Variants in NETO2 observed in about 807,000 individuals in gnomAD.
NETO2 encodes the protein neuropilin and tolloid like 2, also known as neuropilin and tolloid-like protein 2.
Under a neutral mutation model 62.5 loss-of-function variants are expected in NETO2, and 28 were observed. The ratio of observed to expected loss-of-function variants is 0.45; its 90% CI spans 0.33 to 0.61. NETO2 has a LOEUF of 0.61. NETO2 is among the 20% of genes least tolerant of loss of function. The pLI is 0.02. For synonymous variants in NETO2, 214 were observed against 219.1 expected, an observed-to-expected ratio of 0.98 and a Z score of 0.21; for missense variants, 548 against 643.2, an observed-to-expected ratio of 0.85 and a Z score of 1.60.
At chr16:47,097,014 G>T (rs1334461868) in intron 7 of NETO2, among the ~76,000 whole-genome samples, 1 of 152,208 alleles carries the variant, frequency 6.6e-6, no homozygotes, top group African/African-American at 2.4e-5. Context: ...TTTTCCCATG[G>T]TCTTCACAAC....
At chr16:47,108,221 G>T (rs1963714235) in intron 7 of NETO2, among the ~76,000 whole-genome samples, 1 of 152,102 alleles carries the variant, frequency 6.6e-6, no homozygotes, top group Admixed American at 6.5e-5. Flanking sequence ...TATACAGAAG[G>T]TATGATGGAA....
At chr16:47,110,597 A>G (rs1963775568) in intron 6 of NETO2, among the ~76,000 whole-genome samples, 1 of 152,168 alleles carries the variant, frequency 6.6e-6, no homozygotes, top group South Asian at 2.1e-4. Flanking sequence ...ATACTCACAC[A>G]GTGTTCCCTG....
Position 47,143,645 on chromosome 16 carries a change from TGAGGTAGCGGCGGC to T in NETO2, c.-47_-34del, listed in dbSNP as rs1964513304. On this transcript the variant is annotated 5_prime_UTR_variant, in exon 1 of 9. Coordinates refer to ENST00000562435, the MANE Select transcript of NETO2 (RefSeq NM_018092.5). ...AGCTGCCCGGCGCTTCGCGAAGGGC[TGAGGTAGCGGCGGC>T]GGTGGCTCGGCGCTCACGGCTCGGC... is the stretch of plus-strand genomic sequence containing the variant. 3 of 1,219,602 alleles carry T rather than the reference TGAGGTAGCGGCGGC, an allele frequency of 2.5e-6. No homozygotes were observed. Among genetic ancestry groups the T allele is most frequent in the Non-Finnish European group, 3.1e-6 (3 of 977,388 alleles). The allele number at this position is 1,219,602 out of a possible 1,614,324, so 75.5% of individuals were successfully genotyped here. A position where few individuals can be genotyped will look rare whatever the true frequency, so the allele number is the denominator to read the frequency against.
chr16:47,093,300 T>A (rs1159841270), intron 7 of NETO2, among the ~76,000 whole-genome samples: 1 of 152,194 alleles, frequency 6.6e-6, no homozygotes, highest in Non-Finnish European at 1.5e-5. Flanking sequence ...ACAGCCTCAA[T>A]GAACATTTCT....
intron 2 of NETO2, among the ~76,000 whole-genome samples, chr16:47,130,964 A>G (rs1379739332): frequency 2.0e-5 from 3 of 152,162 alleles, no homozygotes; most frequent in Non-Finnish European, 4.4e-5. Flanking sequence ...GATGGAAAAC[A>G]GAAGAGCCAG....
intron 7 of NETO2, among the ~76,000 whole-genome samples, chr16:47,093,278 C>A (rs1275621176): frequency 1.8e-4 from 28 of 152,166 alleles, no homozygotes; most frequent in Non-Finnish European, 1.5e-5. Context: ...ATTATTGCTT[C>A]TGTCTAAAAT....
chr16:47,132,062 A>G (rs1964276954), intron 1 of NETO2, 37 bp from the exon 2 acceptor site: 1 of 1,456,302 alleles, frequency 6.9e-7, no homozygotes. Flanking sequence ...TATGAAATTG[A>G]ATCTATACTA....
rs764883881 is a variant in NETO2 at position 47,099,676 on chromosome 16, A to T, written c.883+9807T>A. Among the ~76,000 whole-genome samples the T allele has an allele frequency of 1.3e-4, 20 of 152,202 alleles. 1 individual carries two copies. Among genetic ancestry groups the T allele is most frequent in the Admixed American group, 3.9e-4 (6 of 15,280 alleles). On this transcript the variant is annotated intron_variant, in intron 7 of 8. Transcript: ENST00000562435. The stretch of plus-strand genomic sequence containing the variant: ...AGGTTGCACTCTAGTCTCTGATAAA[A>T]CAGACTTTAAACTAACAATGATCAA...
intron 8 of NETO2, 114 bp from the exon 9 acceptor site, chr16:47,083,915 A>G: frequency 1.4e-6 from 1 of 704,710 alleles, no homozygotes; most frequent in African/African-American, 1.8e-5. Flanking sequence ...AATATACTAC[A>G]GACAATGCAA....
At chr16:47,130,072 T>C (rs1483390750) in intron 2 of NETO2, among the ~76,000 whole-genome samples, 1 of 152,292 alleles carries the variant, frequency 6.6e-6, no homozygotes, top group Admixed American at 6.5e-5. Context: ...GTGATTTCTT[T>C]GGAGAAGGTA....
intron 6 of NETO2, among the ~76,000 whole-genome samples, chr16:47,113,857 T>G (rs546171464): frequency 7.9e-5 from 12 of 152,278 alleles, no homozygotes; most frequent in African/African-American, 2.9e-4. Context: ...CCTCCCAAAG[T>G]GCTGGGATTA....
At chr16:47,098,787 G>C (rs1264894342) in intron 7 of NETO2, among the ~76,000 whole-genome samples, 3 of 152,172 alleles carry the variant, frequency 2.0e-5, no homozygotes, top group Non-Finnish European at 2.9e-5. Flanking sequence ...AGAAAGGTCG[G>C]GTTACCCACA....
chr16:47,130,527 AACC>A (rs1567399134), intron 2 of NETO2, among the ~76,000 whole-genome samples: 1 of 151,854 alleles, frequency 6.6e-6, no homozygotes. Flanking sequence ...AATATTTAAA[AACC>A]ACCACCACCA....
intron 6 of NETO2, among the ~76,000 whole-genome samples, chr16:47,112,901 T>C (rs540535312): frequency 6.6e-6 from 1 of 152,354 alleles, no homozygotes; most frequent in East Asian, 1.9e-4. Flanking sequence ...ACACTTAATA[T>C]TTTCATACTT....
chr16:47,117,124 A>C (rs935740774), intron 6 of NETO2, among the ~76,000 whole-genome samples: 5 of 152,112 alleles, frequency 3.3e-5, no homozygotes, highest in Non-Finnish European at 5.9e-5. Flanking sequence ...TCTTAGTTTT[A>C]TCATTCTTGA....
chr16:47,134,991 C>T (rs1400789324), intron 1 of NETO2, among the ~76,000 whole-genome samples: 3 of 152,128 alleles, frequency 2.0e-5, no homozygotes, highest in Non-Finnish European at 4.4e-5. Flanking sequence ...ACTCAATCGA[C>T]CAAATGAGCT....
At chr16:47,092,688 G>GT (rs976732678) in intron 7 of NETO2, among the ~76,000 whole-genome samples, 1 of 152,152 alleles carries the variant, frequency 6.6e-6, no homozygotes. Flanking sequence ...CCTCTGCATA[G>GT]TTTTTTAAGT....
intron 1 of NETO2, among the ~76,000 whole-genome samples, chr16:47,137,530 C>T (rs1174399209): frequency 2.6e-5 from 4 of 152,158 alleles, no homozygotes; most frequent in East Asian, 3.8e-4. Flanking sequence ...ATTTTGGAAA[C>T]GTTGAACTTG....
In NETO2 at chr16:47,089,164, T is replaced by C. The variant is rs530417337; in HGVS notation, c.884-2825A>G. 1.4e-4 allele frequency among the ~76,000 whole-genome samples: 22 copies of C among 152,300 alleles called. 1 individual carries two copies. The South Asian group carries it at 4.6e-3, about 32-fold the overall frequency. ...GTTCAACAGTCTTCACACTAAACTG[T>C]TAAGCTTGTTCACCTGCGGAGTACT... On this transcript the variant is annotated intron_variant, in intron 7 of 8. Coordinates refer to ENST00000562435, the MANE Select transcript of NETO2 (RefSeq NM_018092.5).
Sources: allele counts gnomAD v4.1 joint callset (sites outside exome capture counted in the v4.1 genomes callset), GRCh38; gene constraint gnomAD v4.1.1; transcripts MANE v1.5; gene names NCBI Gene and HGNC (gene_info 2026-07-23, HGNC 2026-07-21).